The following PCLAF variants were observed in gnomAD, a reference collection of about 807,000 sequenced individuals.
PCLAF encodes PCNA-associated factor.
In PCLAF, 12 loss-of-function variants were observed where a neutral mutation model predicts 15.1. The observed-to-expected ratio is 0.79, with a 90% CI of 0.51 to 1.29. The LOEUF is 1.29. PCLAF is among the 50% of genes most tolerant of loss of function. The pLI is 0.00. For synonymous variants in PCLAF, 33 were observed against 47.1 expected (o/e 0.70, Z 1.22); for missense variants, 116 against 130.9 (o/e 0.89, Z 0.56).
chr15:64,382,823 TA>T, upstream of PCLAF: 2 of 280,854 alleles, frequency 7.1e-6, no homozygotes, highest in Non-Finnish European at 1.4e-5. Flanking sequence ...AAAATAAAAA[TA>T]AAAATAAAAA....
intron 3 of PCLAF, among the ~76,000 whole-genome samples, chr15:64,366,629 A>G (rs1254649744): frequency 6.6e-6 from 1 of 151,692 alleles, no homozygotes; most frequent in African/African-American, 2.4e-5. Flanking sequence ...CTTGAGCCCA[A>G]GAGTTTGAGA....
At chr15:64,385,660 AG>A (rs1174871003), upstream of PCLAF, among the ~76,000 whole-genome samples, 1 of 152,036 alleles carries the variant, frequency 6.6e-6, no homozygotes, top group Non-Finnish European at 1.5e-5. Context: ...AAAAAGAAAA[AG>A]AAATACCTAG....
chr15:64,384,161 G>A (rs1899888924), upstream of PCLAF, among the ~76,000 whole-genome samples: 1 of 152,058 alleles, frequency 6.6e-6, no homozygotes, highest in South Asian at 2.1e-4. Flanking sequence ...TTGAGACAGA[G>A]TCTCACTCTG....
At position 64,366,009 on chromosome 15, in the gene PCLAF, T is replaced by G; in HGVS notation, c.*21A>C. The G allele has an allele frequency of 6.3e-7, 1 of 1,588,540 alleles. No homozygotes were observed. Among genetic ancestry groups the G allele is most frequent in the East Asian group, 2.2e-5 (1 of 44,562 alleles). The stretch of plus-strand genomic sequence containing the variant: ...ACCAGGGTAAACAAGGAGACGTTAT[T>G]CAAAGATGAATGAGAAAGTTCTATT... On this transcript the variant is annotated 3_prime_UTR_variant, in exon 4 of 4. Transcript: ENST00000300035.
chr15:64,387,469 T>G, exon 1 of PCLAF: 1 of 1,273,232 alleles, frequency 7.9e-7, no homozygotes, highest in South Asian at 1.3e-5. Flanking sequence ...ACCTTCCACG[T>G]GCTGTTTTAT....
chr15:64,384,569 C>T (rs1481812761), upstream of PCLAF, among the ~76,000 whole-genome samples: 1 of 150,234 alleles, frequency 6.7e-6, no homozygotes, highest in African/African-American at 2.4e-5. Context: ...ATGGTGAAAC[C>T]CCATCTCTAC....
At chr15:64,372,456 T>C (rs1899371426) in intron 3 of PCLAF, among the ~76,000 whole-genome samples, 1 of 147,478 alleles carries the variant, frequency 6.8e-6, no homozygotes, top group Non-Finnish European at 1.5e-5. Context: ...CTACTAAAAA[T>C]ACAAAAAATT....
upstream of PCLAF, chr15:64,381,508 G>A (rs990429207): frequency 6.4e-7 from 1 of 1,558,118 alleles, no homozygotes; most frequent in Non-Finnish European, 8.7e-7. Context: ...TCTCTCCCGA[G>A]CCACCGCTCC....
intron 2 of PCLAF, among the ~76,000 whole-genome samples, chr15:64,380,525 A>G (rs1204624217): frequency 6.6e-6 from 1 of 151,998 alleles, no homozygotes; most frequent in Non-Finnish European, 1.5e-5. Context: ...CAACATAGTG[A>G]GACCCCCATC....
chr15:64,382,072 C>T (rs890975016), upstream of PCLAF, among the ~76,000 whole-genome samples: 2 of 151,980 alleles, frequency 1.3e-5, no homozygotes, highest in African/African-American at 4.8e-5. Flanking sequence ...TCTTGAGAAC[C>T]GAATGGTGTC....
intron 1 of PCLAF, 63 bp downstream of exon 1, chr15:64,381,263 C>A: frequency 1.3e-6 from 2 of 1,585,748 alleles, no homozygotes; most frequent in Non-Finnish European, 1.7e-6. Flanking sequence ...TGGCGTCTGT[C>A]GCCCGTGGCC....
rs530095324 is a variant in PCLAF at position 64,364,842 on chromosome 15, A to C, written c.*1188T>G. On this transcript the variant is annotated 3_prime_UTR_variant, in exon 4 of 4. Transcript: ENST00000300035. ...GCTGGGATTACAGGCATGTGCCACC[A>C]TGCCTGGCTCATTTTTTCATTTTTA... is the stretch of plus-strand genomic sequence containing the variant. 6.7e-6 allele frequency: 1 copy of C among 149,944 alleles called. No homozygotes were observed. The highest frequency in any genetic ancestry group is 2.1e-4 in the South Asian group (1 of 4,734). The allele number at this position is 149,944 out of a possible 1,614,324, so 9.3% of individuals were successfully genotyped here.
At position 64,377,486 on chromosome 15, in the gene PCLAF, AAAATATATATATATATAT is replaced by A. The variant is rs1186457594; in HGVS notation, c.128-599_128-582del. 1.5e-4 allele frequency among the ~76,000 whole-genome samples: 6 copies of A among 40,810 alleles called. 2 individuals carry two copies. Among genetic ancestry groups the A allele is most frequent in the Non-Finnish European group, 1.9e-4 (4 of 20,522 alleles). The allele number at this position is 40,810 out of a possible 152,430, so 26.8% of individuals were successfully genotyped here. On this transcript the variant is annotated intron_variant, in intron 2 of 3. Coordinates refer to ENST00000300035, the MANE Select transcript of PCLAF (RefSeq NM_014736.6). Reference sequence around the variant, plus strand: ...ACTCTGTCTCAAAAAAAAAAAAAAAAAAATATATATATATATATATATATATATATATATATATATATA... The same window carrying A: ...ACTCTGTCTCAAAAAAAAAAAAAAAAATATATATATATATATATATATATA...
At chr15:64,386,325 T>C (rs1899935353), upstream of PCLAF, among the ~76,000 whole-genome samples, 1 of 152,126 alleles carries the variant, frequency 6.6e-6, no homozygotes, top group South Asian at 2.1e-4. Context: ...CTTATGAGGT[T>C]TTGTTTTGTT....
chr15:64,370,546 T>TTAG (rs2140521024), intron 3 of PCLAF, among the ~76,000 whole-genome samples: 1 of 152,076 alleles, frequency 6.6e-6, no homozygotes, highest in South Asian at 2.1e-4. Flanking sequence ...TTTTGTATTT[T>TTAG]TAGTAGAGAC....
At chr15:64,381,449 A>C (rs993879839), upstream of PCLAF, 14 of 1,606,752 alleles carry the variant, frequency 8.7e-6, no homozygotes, top group African/African-American at 1.5e-4. Context: ...AGGACCCGAA[A>C]ACTATCCCGC....
At chr15:64,386,548 C>G (rs942703752) in intron 1 of PCLAF, among the ~76,000 whole-genome samples, 4 of 151,994 alleles carry the variant, frequency 2.6e-5, no homozygotes, top group African/African-American at 9.7e-5. Flanking sequence ...GTCCGGAACT[C>G]CTGGGCTCAA....
At chr15:64,371,477 G>C (rs2140522698) in intron 3 of PCLAF, among the ~76,000 whole-genome samples, 1 of 152,100 alleles carries the variant, frequency 6.6e-6, no homozygotes. Flanking sequence ...TTTTGGCCAG[G>C]TTAGTCTCAA....
intron 3 of PCLAF, chr15:64,373,421 A>G (rs1400075233): frequency 2.8e-6 from 1 of 354,330 alleles, no homozygotes; most frequent in Non-Finnish European, 4.9e-6. Flanking sequence ...TCCTTGCCAC[A>G]TTGAACTTCT....
Sources: allele counts gnomAD v4.1 joint callset (sites outside exome capture counted in the v4.1 genomes callset), GRCh38; gene constraint gnomAD v4.1.1; transcripts MANE v1.5; gene names NCBI Gene and HGNC (gene_info 2026-07-23, HGNC 2026-07-21).